Variants in HPSE2 observed in about 807,000 individuals in gnomAD.
HPSE2 encodes heparanase 2 (inactive).
A neutral mutation model predicts 60.5 loss-of-function variants in HPSE2; 38 were observed. That is an observed-to-expected ratio of 0.63 (90% CI 0.48 to 0.82). The LOEUF (loss-of-function observed/expected upper bound fraction) is 0.82, where lower values mean the gene tolerates loss of function less well. Ranked by LOEUF, HPSE2 falls within the 40% of genes least tolerant of loss-of-function variation. The probability of loss-of-function intolerance (pLI) is 0.00; values close to 1 mark genes in which losing one functional copy is unlikely to be tolerated. For synonymous variants in HPSE2, 295 were observed against 293.2 expected, an observed-to-expected ratio of 1.01 and a Z score of -0.06; for missense variants, 713 against 740.4, an observed-to-expected ratio of 0.96 and a Z score of 0.43.
intron 3 of HPSE2, among the ~76,000 whole-genome samples, chr10:98,917,291 T>C (rs1312405069): frequency 2.0e-5 from 3 of 152,222 alleles, no homozygotes; most frequent in Non-Finnish European, 4.4e-5. Context: ...GTTCTAATTA[T>C]ACATTAGGTA....
intron 3 of HPSE2, among the ~76,000 whole-genome samples, chr10:99,120,381 T>C (rs1844900358): frequency 6.6e-6 from 1 of 152,072 alleles, no homozygotes; most frequent in South Asian, 2.1e-4. Context: ...AAAACCACAA[T>C]AAGATACCAT....
intron 3 of HPSE2, among the ~76,000 whole-genome samples, chr10:98,761,421 T>C (rs531756289): frequency 6.1e-4 from 93 of 152,320 alleles, no homozygotes; most frequent in Admixed American, 1.4e-3. Context: ...TTCCTTCTGC[T>C]AACTTTCGGT....
chr10:98,672,977 T>G (rs1947544989), intron 6 of HPSE2, among the ~76,000 whole-genome samples: 2 of 152,198 alleles, frequency 1.3e-5, no homozygotes, highest in African/African-American at 4.8e-5. Context: ...ACTTTGAATA[T>G]CTGCATGATT....
chr10:99,029,175 A>T (rs555862517), intron 3 of HPSE2, among the ~76,000 whole-genome samples: 1 of 152,336 alleles, frequency 6.6e-6, no homozygotes, highest in South Asian at 2.1e-4. Flanking sequence ...AAAGGATACA[A>T]TCAATAAAGT....
chr10:98,983,986 G>C (rs1479069111), intron 3 of HPSE2, among the ~76,000 whole-genome samples: 2 of 152,208 alleles, frequency 1.3e-5, no homozygotes, highest in Non-Finnish European at 2.9e-5. Context: ...GGTAAACAAA[G>C]CAGCCAGGAA....
chr10:99,190,412 A>G lies in HPSE2; in HGVS notation c.448+41936T>C, dbSNP rs1218283993. Among the ~76,000 whole-genome samples the G allele has an allele frequency of 5.3e-5, 8 of 152,344 alleles. No individual in the cohort carries two copies. The East Asian group carries it at 1.2e-3, about 22-fold the overall frequency. ...ATTTCTGTAAAGATTGAAGTACTCAATAAGTATTAGCTATTTATTATTTCT... is the reference window on the plus strand; with the variant it reads ...ATTTCTGTAAAGATTGAAGTACTCAGTAAGTATTAGCTATTTATTATTTCT... On this transcript the variant is annotated intron_variant, in intron 2 of 11. Coordinates refer to ENST00000370552, the MANE Select transcript of HPSE2 (RefSeq NM_021828.5).
intron 3 of HPSE2, among the ~76,000 whole-genome samples, chr10:98,823,971 T>A (rs892327793): frequency 2.6e-5 from 4 of 152,188 alleles, no homozygotes; most frequent in African/African-American, 9.7e-5. Context: ...ACAAAGCAGG[T>A]CCTAACAAAT....
In HPSE2 at chr10:98,458,935, G is replaced by C. The variant is rs139422316; in HGVS notation, c.*639C>G. ...TTACTTTTGAAGCACCCGCTTCCCA[G>C]AAGAACTGCCAGTGATGGATGCCAC... On this transcript the variant is annotated 3_prime_UTR_variant, in exon 12 of 12. Transcript: ENST00000370552. The C allele has an allele frequency of 5.4e-3, 855 of 157,042 alleles. 7 individuals are homozygous for C. Among genetic ancestry groups the C allele is most frequent in the Non-Finnish European group, 8.5e-3 (598 of 70,668 alleles). 9.7% of individuals were successfully genotyped at this position (157,042 alleles called of 1,614,324 possible).
At chr10:99,194,042 T>G (rs1394635306) in intron 2 of HPSE2, among the ~76,000 whole-genome samples, 2 of 152,058 alleles carry the variant, frequency 1.3e-5, no homozygotes, top group African/African-American at 4.8e-5. Context: ...AAACAACTCT[T>G]AAAAGTTCAA....
At chr10:99,149,298 G>T (rs1846172830) in intron 2 of HPSE2, among the ~76,000 whole-genome samples, 2 of 152,082 alleles carry the variant, frequency 1.3e-5, no homozygotes, top group Non-Finnish European at 2.9e-5. Context: ...AGCAGAGAAT[G>T]GGTGACCCAG....
intron 3 of HPSE2, among the ~76,000 whole-genome samples, chr10:98,925,794 GGCT>G (rs1954441216): frequency 6.6e-6 from 1 of 152,024 alleles, no homozygotes; most frequent in South Asian, 2.1e-4. Context: ...TGTTCTCCTT[GGCT>G]AGAGAAAACT....
rs1368905479 is a variant in HPSE2, at chr10:98,767,684, T to C, written c.611-23628A>G. 2.1e-5 allele frequency among the ~76,000 whole-genome samples: 3 copies of C among 145,760 alleles called. No individual in the cohort carries two copies. In the South Asian group the frequency reaches 6.4e-4, roughly 31 times the overall value. On this transcript the variant is annotated intron_variant, in intron 3 of 11. Transcript: ENST00000370552. The stretch of plus-strand genomic sequence containing the variant: ...ATTATTTATGTATCTATAAATTATA[T>C]CAATATTTTTATACATGATATATAA...
At chr10:99,068,208 A>T (rs775001081) in intron 3 of HPSE2, among the ~76,000 whole-genome samples, 3 of 152,192 alleles carry the variant, frequency 2.0e-5, no homozygotes, top group Non-Finnish European at 4.4e-5. Context: ...AAACTGTTCC[A>T]GTCTCTGCCT....
the HPSE2 span, among the ~76,000 whole-genome samples, chr10:99,305,975 G>GCACACACACACACACA: frequency 2.0e-3 from 94 of 48,100 alleles, no homozygotes; most frequent in Non-Finnish European, 1.8e-3. Context: ...GCGCGCGCGC[G>GCACACACACACACACA]CGCGCACACA....
chr10:99,018,790 C>A (rs1407540957), intron 3 of HPSE2, among the ~76,000 whole-genome samples: 2 of 151,932 alleles, frequency 1.3e-5, no homozygotes, highest in Non-Finnish European at 2.9e-5. Flanking sequence ...CCTTTTTTGC[C>A]CACTCCTCAA....
At chr10:99,016,543 GT>G (rs559246797) in intron 3 of HPSE2, among the ~76,000 whole-genome samples, 23 of 151,504 alleles carry the variant, frequency 1.5e-4, no homozygotes, top group Non-Finnish European at 2.5e-4. Context: ...TTTTAAAATA[GT>G]TTTTTTTTCT....
chr10:98,812,825 A>G (rs1001749566), intron 3 of HPSE2, among the ~76,000 whole-genome samples: 5 of 152,042 alleles, frequency 3.3e-5, no homozygotes, highest in Admixed American at 6.5e-5. Context: ...TTTTTTTTCC[A>G]TAAAAGCTTT....
At chr10:98,886,615 G>A (rs1953173601) in intron 3 of HPSE2, among the ~76,000 whole-genome samples, 2 of 152,072 alleles carry the variant, frequency 1.3e-5, no homozygotes, top group Non-Finnish European at 2.9e-5. Context: ...TCACTAGGAG[G>A]AGCTTTGAGA....
chr10:98,802,305 T>TC, intron 3 of HPSE2, among the ~76,000 whole-genome samples: 1 of 151,380 alleles, frequency 6.6e-6, no homozygotes, highest in African/African-American at 2.4e-5. Flanking sequence ...TTTTTATTTT[T>TC]TTTTTGAGTT....
Sources: gnomAD v4.1 joint callset for allele counts (sites outside exome capture counted in the v4.1 genomes callset) on GRCh38, gnomAD v4.1.1 for gene constraint, MANE v1.5 for transcripts, NCBI Gene and HGNC (gene_info 2026-07-23, HGNC 2026-07-21) for gene names.